SH3PXD2B: variants seen among roughly 807,000 people sequenced by gnomAD.
The protein encoded by SH3PXD2B is SH3 and PX domain-containing protein 2B.
In SH3PXD2B, 37 loss-of-function variants were observed where a neutral mutation model predicts 73.1. The observed-to-expected ratio is 0.51, with a 90% confidence interval of 0.39 to 0.67. SH3PXD2B has a LOEUF of 0.67. Among genes scored for constraint, SH3PXD2B ranks in the 30% least tolerant of loss-of-function variants. The pLI is 0.00. For synonymous variants in SH3PXD2B, 457 were observed against 480.5 expected (o/e 0.95, Z 0.64); for missense variants, 1,053 against 1,197.8 (o/e 0.88, Z 1.78).
At position 172,335,576 on chromosome 5, in the gene SH3PXD2B, C is replaced by T. The variant is rs1416822368; in HGVS notation, c.*2793G>A. On this transcript the variant is annotated 3_prime_UTR_variant, in exon 13 of 13. Transcript: ENST00000311601. ...AGGCTTGCCGTAAGGATTAAAGGAG[C>T]GTGTGTGTTTAGGCACTGGTCACCA... is the stretch of plus-strand genomic sequence containing the variant. 3.2e-6 allele frequency: 4 copies of T among 1,231,600 alleles called. No individual in the cohort carries two copies. The highest frequency in any genetic ancestry group is 4.2e-5 in the Admixed American group (1 of 23,700). The allele number at this position is 1,231,600 out of a possible 1,614,324, so 76.3% of individuals were successfully genotyped here.
intron 3 of SH3PXD2B, among the ~76,000 whole-genome samples, chr5:172,398,735 C>A (rs546299811): frequency 2.0e-5 from 3 of 152,272 alleles, no homozygotes; most frequent in African/African-American, 7.2e-5. Context: ...TATTTAAGAC[C>A]TACTTTAGGT....
intron 1 of SH3PXD2B, among the ~76,000 whole-genome samples, chr5:172,439,263 ACAAAAAC>A (rs1759476125): frequency 2.4e-5 from 2 of 82,574 alleles, no homozygotes; most frequent in African/African-American, 9.0e-5. Flanking sequence ...AAAAAAAAAA[ACAAAAAC>A]AAAAACAAAA....
chr5:172,447,932 G>C (rs1025107850), intron 1 of SH3PXD2B, among the ~76,000 whole-genome samples: 10 of 152,106 alleles, frequency 6.6e-5, no homozygotes, highest in African/African-American at 2.2e-4. Context: ...CAGGTCCCTA[G>C]CAGAGCATCC....
At chr5:172,326,896 G>C (rs979983311) in intron 12 of SH3PXD2B, among the ~76,000 whole-genome samples, 1 of 138,212 alleles carries the variant, frequency 7.2e-6, no homozygotes, top group African/African-American at 2.8e-5. Flanking sequence ...TCACTCTGTC[G>C]CCCAAGCTGG....
chr5:172,433,711 G>A (rs943950590), intron 1 of SH3PXD2B, among the ~76,000 whole-genome samples: 2 of 152,316 alleles, frequency 1.3e-5, no homozygotes, highest in South Asian at 4.2e-4. Context: ...TACTATGGGA[G>A]TGAGGTTAAG....
At chr5:172,434,725 C>G (rs2569218) in intron 1 of SH3PXD2B, among the ~76,000 whole-genome samples, 1 of 151,432 alleles carries the variant, frequency 6.6e-6, no homozygotes, top group Non-Finnish European at 1.5e-5. Context: ...CTGGGGCTGC[C>G]GCACTGGTCC....
intron 8 of SH3PXD2B, among the ~76,000 whole-genome samples, chr5:172,357,674 G>A (rs1757311370): frequency 6.6e-6 from 1 of 152,100 alleles, no homozygotes; most frequent in South Asian, 2.1e-4. Context: ...CCCTTAATCT[G>A]AGTTGATTCT....
intron 3 of SH3PXD2B, among the ~76,000 whole-genome samples, chr5:172,405,660 C>T (rs1445325027): frequency 6.6e-6 from 1 of 152,192 alleles, no homozygotes; most frequent in Non-Finnish European, 1.5e-5. Flanking sequence ...CTTGGCTCAG[C>T]TGACATCTTG....
intron 5 of SH3PXD2B, among the ~76,000 whole-genome samples, chr5:172,378,913 AC>A (rs1220147954): frequency 2.0e-5 from 3 of 151,876 alleles, no homozygotes; most frequent in Non-Finnish European, 4.4e-5. Context: ...TACTAAAAAT[AC>A]AAAAAATTAG....
chr5:172,433,555 T>C (rs1759301401), intron 1 of SH3PXD2B, among the ~76,000 whole-genome samples: 1 of 152,156 alleles, frequency 6.6e-6, no homozygotes. Flanking sequence ...CAGCATCTTC[T>C]CCGTTACCCT....
intron 1 of SH3PXD2B, among the ~76,000 whole-genome samples, chr5:172,428,465 G>A (rs1191157143): frequency 6.6e-6 from 1 of 152,238 alleles, no homozygotes; most frequent in Non-Finnish European, 1.5e-5. Flanking sequence ...GAACCCTCAT[G>A]CATTGCTGGT....
At chr5:172,355,806 C>T (rs1210238427) in intron 8 of SH3PXD2B, among the ~76,000 whole-genome samples, 4 of 152,070 alleles carry the variant, frequency 2.6e-5, no homozygotes, top group Non-Finnish European at 4.4e-5. Flanking sequence ...GGCCTCCCAA[C>T]GTGCTGGGAC....
rs752701208 is a variant in SH3PXD2B, at chr5:172,347,335, A to G, written c.1013-3T>C. On this transcript the variant is annotated splice_polypyrimidine_tract_variant and splice_region_variant and intron_variant, in intron 10 of 12. Coordinates refer to ENST00000311601, the MANE Select transcript of SH3PXD2B (RefSeq NM_001017995.3). ...TCTCTGCCTCATCTTTGGTGATCCT[A>G]TGGAGAAATGAGAGCTTATTACATC... The G allele has an allele frequency of 2.3e-5, 37 of 1,613,808 alleles. No homozygotes were observed. In the Admixed American group the frequency reaches 3.8e-4, roughly 17 times the overall value.
At chr5:172,428,024 C>T (rs866123728) in intron 1 of SH3PXD2B, among the ~76,000 whole-genome samples, 33 of 152,230 alleles carry the variant, frequency 2.2e-4, no homozygotes, top group Admixed American at 1.4e-3. Context: ...GATCCACCCA[C>T]CTCGGCCTCC....
intron 5 of SH3PXD2B, among the ~76,000 whole-genome samples, chr5:172,377,282 A>G (rs1757841373): frequency 1.3e-5 from 2 of 152,202 alleles, no homozygotes; most frequent in South Asian, 4.1e-4. Flanking sequence ...CTGGCTAGGA[A>G]AGACGCCCAA....
intron 3 of SH3PXD2B, among the ~76,000 whole-genome samples, chr5:172,401,110 A>G (rs981637667): frequency 1.1e-4 from 16 of 152,248 alleles, no homozygotes; most frequent in African/African-American, 3.9e-4. Context: ...GGCATTGATC[A>G]AAAATTGGCT....
At chr5:172,382,172 T>A in intron 4 of SH3PXD2B, 45 bp from the exon 5 acceptor site, 1 of 1,485,142 alleles carries the variant, frequency 6.7e-7, no homozygotes. Flanking sequence ...GAGAGGGGGC[T>A]GAGCATGGTG....
chr5:172,391,406 C>T (rs1758187855), intron 4 of SH3PXD2B, among the ~76,000 whole-genome samples: 1 of 152,176 alleles, frequency 6.6e-6, no homozygotes, highest in African/African-American at 2.4e-5. Context: ...ATGTTCAATA[C>T]AAATCCTTTA....
intron 12 of SH3PXD2B, among the ~76,000 whole-genome samples, chr5:172,328,001 C>T (rs963862140): frequency 4.6e-5 from 7 of 152,034 alleles, no homozygotes; most frequent in African/African-American, 1.7e-4. Context: ...GTGATCCACC[C>T]ACTTCGGTTT....
Sources: allele counts gnomAD v4.1 joint callset (sites outside exome capture counted in the v4.1 genomes callset), GRCh38; gene constraint gnomAD v4.1.1; transcripts MANE v1.5; gene names NCBI Gene and HGNC (gene_info 2026-07-23, HGNC 2026-07-21).